Variants in ANXA4 observed in about 807,000 individuals in gnomAD.
The protein encoded by ANXA4 is annexin A4.
ANXA4 carries 39 observed loss-of-function variants against 49.8 expected under a neutral mutation model. The observed-to-expected ratio is 0.78, with a 90% CI of 0.61 to 1.02. ANXA4 has a LOEUF of 1.02. Among genes scored for constraint, ANXA4 ranks in the 50% least tolerant of loss-of-function variants. The probability of loss-of-function intolerance (pLI) is 0.00; values close to 1 mark genes in which losing one functional copy is unlikely to be tolerated. For synonymous variants in ANXA4, 134 were observed against 152.5 expected, an observed-to-expected ratio of 0.88 and a Z score of 0.89; for missense variants, 360 against 410.1, an observed-to-expected ratio of 0.88 and a Z score of 1.05.
At position 69,691,357 on chromosome 2, in the gene ANXA4, C is replaced by CA. The variant is rs1283453024; in HGVS notation, n.767-29416dup. On this transcript the variant is annotated intron_variant and non_coding_transcript_variant, in intron 2 of 3. Coordinates refer to the ANXA4 transcript ENST00000418066. ...CTCGAACTCCTGACCTCAAGTAATCCACCCGCCTTGACCTCCCAAAGTGCT... is the reference window on the plus strand; with the variant it reads ...CTCGAACTCCTGACCTCAAGTAATCCAACCCGCCTTGACCTCCCAAAGTGCT... Among the ~76,000 whole-genome samples the CA allele has an allele frequency of 1.6e-4, 24 of 151,950 alleles. 1 individual carries two copies. The highest frequency in any genetic ancestry group is 1.6e-3 in the Admixed American group (24 of 15,236).
chr2:69,751,461 T>C lies in ANXA4; in HGVS notation c.-47+9286T>C, dbSNP rs185891606. 9.2e-3 allele frequency among the ~76,000 whole-genome samples: 1,309 copies of C among 142,698 alleles called. 7 individuals carry two copies. The highest frequency in any genetic ancestry group is 0.014 in the Non-Finnish European group (916 of 67,020). 93.6% of individuals were successfully genotyped at this position (142,698 alleles called of 152,430 possible). A position where few individuals can be genotyped will look rare whatever the true frequency, so the allele number is the denominator to read the frequency against. ...AGGCAGAGGTTGCAGTGAGCCAAGATCGTGCCACTGAACTCCAACCTGGAT... is the reference window on the plus strand; with the variant it reads ...AGGCAGAGGTTGCAGTGAGCCAAGACCGTGCCACTGAACTCCAACCTGGAT... On this transcript the variant is annotated intron_variant, in intron 1 of 12. Coordinates refer to ENST00000394295, the MANE Select transcript of ANXA4 (RefSeq NM_001153.5).
At chr2:69,643,817 G>A, upstream of ANXA4, 5 of 1,183,934 alleles carry the variant, frequency 4.2e-6, no homozygotes, top group Non-Finnish European at 5.2e-6. Context: ...CGCCGGAAGT[G>A]CCCCTCGGGG....
intron 2 of ANXA4, among the ~76,000 whole-genome samples, chr2:69,706,377 T>C (rs556416001): frequency 7.4e-6 from 1 of 135,114 alleles, no homozygotes; most frequent in African/African-American, 2.8e-5. Flanking sequence ...CTCAGCTCAC[T>C]GCAACCTCTG....
rs112367818 is a variant in ANXA4, at chr2:69,706,883, T to C, written n.767-13891T>C. Among the ~76,000 whole-genome samples the C allele has an allele frequency of 1.1e-4, 16 of 152,340 alleles. 2 individuals carry two copies. Among genetic ancestry groups the C allele is most frequent in the African/African-American group, 3.8e-4 (16 of 41,582 alleles). Reference sequence around the variant, plus strand: ...ATGGATAGACCACATAGAAATGCTTTTATGTCATCTACCAAGTTAATGTTC... The same window carrying C: ...ATGGATAGACCACATAGAAATGCTTCTATGTCATCTACCAAGTTAATGTTC... On this transcript the variant is annotated intron_variant and non_coding_transcript_variant, in intron 2 of 3. Transcript: ENST00000418066.
chr2:69,796,648 G>A (rs1214173129), intron 3 of ANXA4, among the ~76,000 whole-genome samples: 1 of 152,164 alleles, frequency 6.6e-6, no homozygotes, highest in Non-Finnish European at 1.5e-5. Context: ...CCCTAGGGGT[G>A]CCCCTTCCAT....
intron 1 of ANXA4, among the ~76,000 whole-genome samples, chr2:69,752,169 T>C (rs547151786): frequency 9.2e-5 from 14 of 152,176 alleles, no homozygotes; most frequent in African/African-American, 2.6e-4. Flanking sequence ...ACTGAAGGAA[T>C]GGCATGTCTG....
chr2:69,757,266 A>ATTTTTT (rs1177266386), intron 1 of ANXA4, among the ~76,000 whole-genome samples: 1 of 27,644 alleles, frequency 3.6e-5, no homozygotes, highest in Non-Finnish European at 6.7e-5. Context: ...ATATATATAT[A>ATTTTTT]TTTTTTTTTT....
chr2:69,746,728 T>C (rs1347910358), intron 1 of ANXA4, among the ~76,000 whole-genome samples: 1 of 152,080 alleles, frequency 6.6e-6, no homozygotes, highest in Admixed American at 6.6e-5. Context: ...GAATATTATA[T>C]TGCAGCTAAG....
upstream of ANXA4, chr2:69,644,015 T>G (rs1675889209): frequency 2.2e-6 from 1 of 461,320 alleles, no homozygotes; most frequent in South Asian, 9.6e-5. Flanking sequence ...GTCCGGCTGC[T>G]GGACTACAAA....
At chr2:69,803,409 A>G (rs1673304428) in intron 3 of ANXA4, 1 of 152,236 alleles carries the variant, frequency 6.6e-6, no homozygotes, top group African/African-American at 2.4e-5. Flanking sequence ...CAACGAGGAA[A>G]CAGAAGATTC....
At chr2:69,674,907 C>T (rs959576194) in intron 2 of ANXA4, among the ~76,000 whole-genome samples, 1 of 148,044 alleles carries the variant, frequency 6.8e-6, no homozygotes. Context: ...TGTACTCTAA[C>T]ATAAACTGTT....
Position 69,757,440 on chromosome 2 carries a change from GT to G in ANXA4, c.-47+15279del, listed in dbSNP as rs1196253828. On this transcript the variant is annotated intron_variant, in intron 1 of 12. Transcript: ENST00000394295. ...CACCTATCACCACGCCTAATTTTTT[GT>G]TTTTTTTTTTTTTAGTAGAGACAGG... 1.7e-3 allele frequency among the ~76,000 whole-genome samples: 181 copies of G among 108,030 alleles called. 1 individual carries two copies. The highest frequency in any genetic ancestry group is 2.9e-3 in the African/African-American group (94 of 31,882). 70.9% of individuals were successfully genotyped at this position (108,030 alleles called of 152,430 possible).
chr2:69,695,109 A>G (rs1475497934), intron 2 of ANXA4, among the ~76,000 whole-genome samples: 1 of 151,928 alleles, frequency 6.6e-6, no homozygotes, highest in Non-Finnish European at 1.5e-5. Context: ...GCGCCACTGC[A>G]CTCCAGCTTG....
chr2:69,657,683 CT>C (rs1450973621), intron 2 of ANXA4, among the ~76,000 whole-genome samples: 2 of 152,132 alleles, frequency 1.3e-5, no homozygotes, highest in African/African-American at 4.8e-5. Flanking sequence ...AAGCTTTTAA[CT>C]TCCTGTGAGT....
In ANXA4 at chr2:69,779,123, A is replaced by G. The variant is rs13392423; in HGVS notation, c.-46-2397A>G. On this transcript the variant is annotated intron_variant, in intron 1 of 12. Transcript: ENST00000394295. ...ACTCTGCCTCAAAAAAAAAAAAAAA[A>G]AAAAAAAAAAGGAAAGAGAAGTCAG... Among the ~76,000 whole-genome samples, 1,408 of 150,616 alleles carry G rather than the reference A, an allele frequency of 9.3e-3. 16 individuals carry two copies. Among genetic ancestry groups the G allele is most frequent in the African/African-American group, 0.033 (1,333 of 40,864 alleles).
intron 2 of ANXA4, among the ~76,000 whole-genome samples, chr2:69,718,508 G>A (rs541460414): frequency 6.6e-6 from 1 of 152,304 alleles, no homozygotes; most frequent in South Asian, 2.1e-4. Flanking sequence ...CACTGGAAGA[G>A]GTCATAGAAT....
At chr2:69,824,445 G>A (rs1674373801) in intron 12 of ANXA4, among the ~76,000 whole-genome samples, 1 of 150,818 alleles carries the variant, frequency 6.6e-6, no homozygotes, top group Admixed American at 6.6e-5. Context: ...GGAGGTCGCA[G>A]TGAGCCAGGA....
At chr2:69,815,095 G>GT (rs1392830417) in intron 8 of ANXA4, 1 of 152,214 alleles carries the variant, frequency 6.6e-6, no homozygotes, top group African/African-American at 2.4e-5. Flanking sequence ...TCAGCTGATT[G>GT]TATGAGGGCC....
intron 3 of ANXA4, among the ~76,000 whole-genome samples, chr2:69,722,479 C>G (rs1251851623): frequency 6.6e-6 from 1 of 152,020 alleles, no homozygotes; most frequent in Non-Finnish European, 1.5e-5. Flanking sequence ...CATGGATGAG[C>G]CTTAAAAACA....
Sources: gnomAD v4.1 joint callset for allele counts (sites outside exome capture counted in the v4.1 genomes callset) on GRCh38, gnomAD v4.1.1 for gene constraint, MANE v1.5 for transcripts, NCBI Gene and HGNC (gene_info 2026-07-23, HGNC 2026-07-21) for gene names.